SUSD4: variants seen among roughly 807,000 people sequenced by gnomAD.
SUSD4 encodes sushi domain-containing protein 4.
Under a neutral mutation model 50.5 loss-of-function variants are expected in SUSD4, and 41 were observed. The ratio of observed to expected loss-of-function variants is 0.81; its 90% confidence interval spans 0.63 to 1.05. The LOEUF is 1.05. SUSD4 is among the 50% of genes least tolerant of loss of function. The pLI is 0.00. For synonymous variants in SUSD4, 257 were observed against 257.3 expected (o/e 1.00, Z 0.01); for missense variants, 580 against 634.7 (o/e 0.91, Z 0.93).
At position 223,332,156 on chromosome 1, in the gene SUSD4, A is replaced by G. The variant is rs545169814; in HGVS notation, c.148+31122T>C. Among the ~76,000 whole-genome samples, 1 of 152,308 alleles carries G rather than the reference A, an allele frequency of 6.6e-6. No individual in the cohort carries two copies. Among genetic ancestry groups the G allele is most frequent in the African/African-American group, 2.4e-5 (1 of 41,570 alleles). ...TGGGCAAATGCCAATTGCTAAGTGA[A>G]ACAGCACTCAGGGTGGTGTGTCAGG... On this transcript the variant is annotated intron_variant, in intron 2 of 8. Coordinates refer to ENST00000366878, the MANE Select transcript of SUSD4 (RefSeq NM_017982.4). The surrounding 1 kb of genome is among the most constrained non-coding windows in gnomAD (Gnocchi z 4.0).
intron 2 of SUSD4, among the ~76,000 whole-genome samples, chr1:223,297,383 T>C (rs1664896620): frequency 6.6e-6 from 1 of 152,152 alleles, no homozygotes; most frequent in African/African-American, 2.4e-5. Flanking sequence ...AATGTGTCTC[T>C]ACACAGCAGG....
chr1:223,268,042 T>TATATATATATATATATATATAC (rs869264392), intron 4 of SUSD4, among the ~76,000 whole-genome samples: 8 of 106,830 alleles, frequency 7.5e-5, no homozygotes, highest in Admixed American at 3.1e-4. Flanking sequence ...TATATATATA[T>TATATATATATATATATATATAC]ACACACACAC....
chr1:223,308,486 C>T (rs117481003), intron 2 of SUSD4, among the ~76,000 whole-genome samples: 2 of 152,250 alleles, frequency 1.3e-5, no homozygotes, highest in East Asian at 1.9e-4. Flanking sequence ...GCTAATAAAA[C>T]CTCTTTCCTT....
intron 2 of SUSD4, among the ~76,000 whole-genome samples, chr1:223,343,622 T>C (rs959164400): frequency 8.5e-5 from 13 of 152,226 alleles, no homozygotes; most frequent in African/African-American, 2.7e-4. Flanking sequence ...AATGAAGATA[T>C]ATAGAAAAGA....
At chr1:223,272,733 T>C (rs1663002404) in intron 3 of SUSD4, among the ~76,000 whole-genome samples, 5 of 152,234 alleles carry the variant, frequency 3.3e-5, no homozygotes. Context: ...ACGGTCTTAC[T>C]GTAAAGAATT....
chr1:223,229,338 G>T lies in SUSD4; in HGVS notation c.775C>A (p.Arg259=). ...CCGTGGTTGTAGCGCTCACAAGGCCGCGGGTGGCAGACGAAATCTCCGTGA... is the reference window on the plus strand; with the variant it reads ...CCGTGGTTGTAGCGCTCACAAGGCCTCGGGTGGCAGACGAAATCTCCGTGA... ...VSHGDFVCHP[R]PCERYNHGTV... Residue 259 remains arginine (R), a synonymous_variant, in exon 6 of 9, where the codon CGG becomes AGG. Transcript: ENST00000366878. This position sits in a 1 kb window ranked among gnomAD's most constrained non-coding sequence, Gnocchi z 4.7. 1 of 1,607,894 alleles carries T rather than the reference G, an allele frequency of 6.2e-7. No individual in the cohort carries two copies.
intron 2 of SUSD4, among the ~76,000 whole-genome samples, chr1:223,320,079 C>T (rs150247267): frequency 5.9e-5 from 9 of 152,336 alleles, no homozygotes; most frequent in East Asian, 5.8e-4. Flanking sequence ...GATGCAGGGA[C>T]GCCTCCTAAG....
chr1:223,278,614 C>T (rs907987288), intron 3 of SUSD4, among the ~76,000 whole-genome samples: 1 of 152,254 alleles, frequency 6.6e-6, no homozygotes, highest in African/African-American at 2.4e-5. Flanking sequence ...GGCCTGCCTG[C>T]CTCTGTAGAC....
chr1:223,229,341 G>A lies in SUSD4; in HGVS notation c.772C>T (p.Pro258Ser), dbSNP rs1659741040. 3 of 1,606,932 alleles carry A rather than the reference G, an allele frequency of 1.9e-6. No individual in the cohort carries two copies. The highest frequency in any genetic ancestry group is 2.6e-6 in the Non-Finnish European group (3 of 1,174,394). Residue 258 changes from proline (P) to serine (S), a missense_variant, in exon 6 of 9, where the codon CCG becomes TCG. By Grantham distance (74) the Pro-to-Ser change is moderately conservative (BLOSUM62 -1). Coordinates refer to ENST00000366878, the MANE Select transcript of SUSD4 (RefSeq NM_017982.4). The surrounding 1 kb of genome is among the most constrained non-coding windows in gnomAD (Gnocchi z 4.7). ...TGGTTGTAGCGCTCACAAGGCCGCG[G>A]GTGGCAGACGAAATCTCCGTGACTC... ...MVSHGDFVCH[P>S]RPCERYNHGT...
intron 3 of SUSD4, among the ~76,000 whole-genome samples, chr1:223,280,448 T>TA (rs1663629757): frequency 6.6e-6 from 1 of 151,794 alleles, no homozygotes; most frequent in African/African-American, 2.4e-5. Flanking sequence ...TGGTCTCTGA[T>TA]AAAACAGACT....
At chr1:223,364,483 G>A (rs1439660969), upstream of SUSD4, among the ~76,000 whole-genome samples, 1 of 148,800 alleles carries the variant, frequency 6.7e-6, no homozygotes, top group Non-Finnish European at 1.5e-5. This position sits in a 1 kb window ranked among gnomAD's most constrained non-coding sequence, Gnocchi z 4.5. Flanking sequence ...GGGGAAAGGG[G>A]CCCGCCGCCG....
At chr1:223,311,911 A>C (rs1484658557) in intron 2 of SUSD4, among the ~76,000 whole-genome samples, 1 of 152,138 alleles carries the variant, frequency 6.6e-6, no homozygotes, top group Non-Finnish European at 1.5e-5. Context: ...TTTACGCTCC[A>C]GGATTCAGCT....
intron 2 of SUSD4, among the ~76,000 whole-genome samples, chr1:223,296,456 C>T (rs561427491): frequency 6.6e-6 from 1 of 152,122 alleles, no homozygotes; most frequent in African/African-American, 2.4e-5. Flanking sequence ...GATGTCTAGC[C>T]ATCAGCTGGA....
At chr1:223,365,046 G>C (rs761350020), upstream of SUSD4, among the ~76,000 whole-genome samples, 15 of 152,130 alleles carry the variant, frequency 9.9e-5, no homozygotes, top group Non-Finnish European at 2.1e-4. Flanking sequence ...GCGCTCCCGG[G>C]GGCGGGGAGG....
Position 223,220,927 on chromosome 1 carries a change from T to C in SUSD4, c.*1265A>G. The C allele has an allele frequency of 2.5e-6, 1 of 400,074 alleles. No individual in the cohort carries two copies. 24.8% of individuals were successfully genotyped at this position (400,074 alleles called of 1,614,324 possible). A position where few individuals can be genotyped will look rare whatever the true frequency, so the allele number is the denominator to read the frequency against. On this transcript the variant is annotated 3_prime_UTR_variant, in exon 9 of 9. Coordinates refer to ENST00000366878, the MANE Select transcript of SUSD4 (RefSeq NM_017982.4). ...TCTATCAGCATAGCAATTTTAAGGA[T>C]CAGAGCTTTGTTTACATTTGTCTAA...
chr1:223,342,726 C>T (rs571446982), intron 2 of SUSD4, among the ~76,000 whole-genome samples: 73 of 152,312 alleles, frequency 4.8e-4, no homozygotes, highest in African/African-American at 1.7e-3. Flanking sequence ...AATATCCTTA[C>T]ATTTCCCAGC....
In SUSD4 at chr1:223,361,176, C is replaced by T. The variant is rs574240448; in HGVS notation, c.148+2102G>A. 2.0e-5 allele frequency among the ~76,000 whole-genome samples: 3 copies of T among 152,224 alleles called. No individual in the cohort carries two copies. The East Asian group carries it at 5.8e-4, about 29-fold the overall frequency. ...GCTAAGGTGTATTTGCTTTTATTGC[C>T]TTATTGGAGCCTCCATGTGCATTTC... On this transcript the variant is annotated intron_variant, in intron 2 of 8. Coordinates refer to ENST00000366878, the MANE Select transcript of SUSD4 (RefSeq NM_017982.4).
At chr1:223,225,452 C>T (rs1326969499) in intron 7 of SUSD4, among the ~76,000 whole-genome samples, 3 of 151,988 alleles carry the variant, frequency 2.0e-5, no homozygotes, top group Non-Finnish European at 4.4e-5. Flanking sequence ...AAAGACTGCC[C>T]AGAGAGGGCG....
intron 8 of SUSD4, 89 bp downstream of exon 8, chr1:223,223,160 G>A (rs1659240681): frequency 6.8e-7 from 1 of 1,480,570 alleles, no homozygotes; most frequent in East Asian, 2.3e-5. Context: ...TGTGCTGGGG[G>A]GTGGAGCGTG....
Sources: gnomAD v4.1 joint callset for allele counts (sites outside exome capture counted in the v4.1 genomes callset) on GRCh38, gnomAD v4.1.1 for gene constraint, Gnocchi (gnomAD v3.1) non-coding constraint, MANE v1.5 for transcripts, NCBI Gene and HGNC (gene_info 2026-07-23, HGNC 2026-07-21) for gene names.